The following ADGRG2 variants were observed in gnomAD, a reference collection of about 807,000 sequenced individuals.
ADGRG2 encodes adhesion G protein-coupled receptor G2.
A neutral mutation model predicts 74.1 loss-of-function variants in ADGRG2; 26 were observed. The ratio of observed to expected loss-of-function variants is 0.35; its 90% CI spans 0.26 to 0.49. The LOEUF (loss-of-function observed/expected upper bound fraction) is 0.49. Ranked by LOEUF, ADGRG2 falls within the 20% of genes least tolerant of loss-of-function variation. The pLI is 0.99. For missense variants in ADGRG2, 619 were observed against 763.1 expected, an observed-to-expected ratio of 0.81 and a Z score of 2.22; for synonymous variants, 296 against 295.2, an observed-to-expected ratio of 1.00 and a Z score of -0.03.
intron 2 of ADGRG2, among the ~76,000 whole-genome samples, chrX:19,075,000 C>A (rs1306696049): frequency 9.0e-6 from 1 of 110,698 alleles, no homozygotes; most frequent in African/African-American, 3.3e-5. Context: ...TGGGTATGGG[C>A]CTAATGAGGC....
chrX:19,003,968 A>C (rs1464077763), intron 23 of ADGRG2, among the ~76,000 whole-genome samples: 2 of 112,431 alleles, frequency 1.8e-5, no homozygotes, highest in African/African-American at 6.5e-5. Context: ...CGATGAAATC[A>C]TTCTGAGTAA....
At chrX:19,090,112 A>C (rs924049457) in intron 1 of ADGRG2, among the ~76,000 whole-genome samples, 13 of 111,303 alleles carry the variant, frequency 1.2e-4, no homozygotes, top group Non-Finnish European at 2.4e-4. Context: ...TCTAATTCAA[A>C]GCCTGCCTCA....
intron 1 of ADGRG2, among the ~76,000 whole-genome samples, chrX:19,115,358 A>T (rs1219582736): frequency 8.9e-6 from 1 of 111,751 alleles, no homozygotes; most frequent in Admixed American, 9.5e-5. Flanking sequence ...AGGAAGGAAA[A>T]GAAGACGCAG....
chrX:19,018,603 T>G (rs1353200819), intron 15 of ADGRG2, among the ~76,000 whole-genome samples: 1 of 111,555 alleles, frequency 9.0e-6, no homozygotes, highest in Non-Finnish European at 1.9e-5. Flanking sequence ...GGTCACCCAG[T>G]GTTAACATCT....
At chrX:19,079,110 G>C (rs2061802156) in intron 2 of ADGRG2, among the ~76,000 whole-genome samples, 1 of 111,850 alleles carries the variant, frequency 8.9e-6, no homozygotes, top group Non-Finnish European at 1.9e-5. Context: ...AACATGAATA[G>C]TAGGTATAAC....
Position 19,027,269 on chromosome X carries a change from T to C in ADGRG2, c.420A>G (p.Gln140=). The part of the protein sequence containing the change: ...YDKESTVPQN[Q]HITNGTLTGV... Reference sequence around the variant, plus strand: ...CAGTTAAGGTGCCATTCGTTATATGTTGATTCTGTTAGAAGCATAAAATCA... The same window carrying C: ...CAGTTAAGGTGCCATTCGTTATATGCTGATTCTGTTAGAAGCATAAAATCA... The change falls in exon 11 of 29, where the codon CAA becomes CAG. Residue 140 remains glutamine, a synonymous_variant. Transcript: ENST00000379869. 9.1e-7 allele frequency: 1 copy of C among 1,103,487 alleles called. No individual in the cohort carries two copies. The highest frequency in any genetic ancestry group is 1.3e-6 in the Non-Finnish European group (1 of 796,688). 90.9% of individuals were successfully genotyped at this position (1,103,487 alleles called of 1,213,427 possible). A position where few individuals can be genotyped will look rare whatever the true frequency, so the allele number is the denominator to read the frequency against.
chrX:19,038,768 C>T (rs748870088), intron 4 of ADGRG2, among the ~76,000 whole-genome samples: 3 of 112,110 alleles, frequency 2.7e-5, no homozygotes, highest in African/African-American at 9.7e-5. Context: ...CAGGCTGTGA[C>T]TAGACCCAGT....
intron 3 of ADGRG2, among the ~76,000 whole-genome samples, chrX:19,063,899 GAC>G (rs2061525448): frequency 8.9e-6 from 1 of 112,103 alleles, no homozygotes; most frequent in South Asian, 3.7e-4. Flanking sequence ...ATGCAAGTGA[GAC>G]AGACAAGGGG....
intron 28 of ADGRG2, among the ~76,000 whole-genome samples, chrX:18,992,506 G>T (rs1180595883): frequency 9.0e-6 from 1 of 111,710 alleles, no homozygotes; most frequent in Admixed American, 9.5e-5. Context: ...GGCCAGGCTG[G>T]TCTTGAACTC....
chrX:19,007,215 C>A lies in ADGRG2; in HGVS notation c.1689+20G>T. 1 of 1,206,518 alleles carries A rather than the reference C, an allele frequency of 8.3e-7. No individual in the cohort carries two copies. The highest frequency in any genetic ancestry group is 1.1e-6 in the Non-Finnish European group (1 of 891,168). On this transcript the variant is annotated intron_variant, in intron 20 of 28. Coordinates refer to ENST00000379869, the MANE Select transcript of ADGRG2 (RefSeq NM_001079858.3). ...AAGGTGTTCCTGGTCAATGAACAGA[C>A]GGCACTGGCCTCTCCCCACCTGGCT...
intron 3 of ADGRG2, among the ~76,000 whole-genome samples, chrX:19,059,633 G>A (rs926335132): frequency 1.2e-4 from 13 of 107,972 alleles, no homozygotes; most frequent in Non-Finnish European, 2.1e-4. Flanking sequence ...CTATGTAGTA[G>A]TACTAAAGAA....
chrX:19,080,594 G>A (rs1006549468), intron 2 of ADGRG2, among the ~76,000 whole-genome samples: 1 of 111,814 alleles, frequency 8.9e-6, no homozygotes, highest in African/African-American at 3.2e-5. Context: ...ATGAGGTAAT[G>A]TAATGAAAGT....
chrX:19,108,289 T>A (rs1602134328), intron 1 of ADGRG2, among the ~76,000 whole-genome samples: 1 of 109,505 alleles, frequency 9.1e-6, no homozygotes, highest in African/African-American at 3.3e-5. Flanking sequence ...AGAAAGAAAG[T>A]CTCATCATTG....
chrX:19,029,254 T>C (rs1342836470), intron 9 of ADGRG2, among the ~76,000 whole-genome samples: 1 of 109,557 alleles, frequency 9.1e-6, no homozygotes, highest in East Asian at 2.9e-4. Context: ...TAAAAGATAT[T>C]TGAGATCTAC....
At chrX:19,034,059 G>A (rs1443565738) in intron 7 of ADGRG2, 1 of 120,813 alleles carries the variant, frequency 8.3e-6, no homozygotes, top group Non-Finnish European at 1.7e-5. Context: ...ATGTGAAACA[G>A]TACACATGGG....
chrX:19,058,565 CTTTG>C (rs1460330774), intron 3 of ADGRG2, among the ~76,000 whole-genome samples: 2 of 111,877 alleles, frequency 1.8e-5, no homozygotes, highest in African/African-American at 3.3e-5. Flanking sequence ...CATTTTATAT[CTTTG>C]TTTATCTCTT....
intron 1 of ADGRG2, among the ~76,000 whole-genome samples, chrX:19,113,679 TAAC>T (rs890507574): frequency 1.8e-5 from 2 of 112,271 alleles, no homozygotes; most frequent in African/African-American, 6.5e-5. Flanking sequence ...GATAAAATGC[TAAC>T]AACAGAGGAA....
At chrX:19,016,702 C>T (rs1319404403) in intron 15 of ADGRG2, among the ~76,000 whole-genome samples, 1 of 69,409 alleles carries the variant, frequency 1.4e-5, no homozygotes, top group Non-Finnish European at 2.5e-5. Context: ...CCCCTCCCCC[C>T]ACCCATCGAT....
chrX:18,992,761 A>T (rs1457523129), intron 28 of ADGRG2, among the ~76,000 whole-genome samples: 1 of 112,638 alleles, frequency 8.9e-6, no homozygotes, highest in Non-Finnish European at 1.9e-5. Flanking sequence ...AAGCATCAAA[A>T]GTAGCTGTGT....
Sources: gnomAD v4.1 joint callset for allele counts (sites outside exome capture counted in the v4.1 genomes callset) on GRCh38, gnomAD v4.1.1 for gene constraint, MANE v1.5 for transcripts, NCBI Gene and HGNC (gene_info 2026-07-23, HGNC 2026-07-21) for gene names.